DTX4: variants seen among roughly 807,000 people sequenced by gnomAD.
DTX4 encodes the protein deltex E3 ubiquitin ligase 4, also known as E3 ubiquitin-protein ligase DTX4.
A neutral mutation model predicts 57.6 loss-of-function variants in DTX4; 28 were observed. The ratio of observed to expected loss-of-function variants is 0.49; its 90% CI spans 0.36 to 0.67. The LOEUF (loss-of-function observed/expected upper bound fraction) is 0.67. Among genes scored for constraint, DTX4 ranks in the 30% least tolerant of loss-of-function variants. DTX4 has a pLI of 0.00. For synonymous variants in DTX4, 316 were observed against 331.0 expected (o/e 0.95, Z 0.49); for missense variants, 715 against 836.8 (o/e 0.85, Z 1.80).
chr11:59,178,791 A>G lies in DTX4; in HGVS notation c.212-2948A>G, dbSNP rs114325161. ...GAAAATGGCTTGAGACCTGAATGGT[A>G]AGGAGAATTTCAATAGGTAAAAATG... On this transcript the variant is annotated intron_variant, in intron 1 of 8. Coordinates refer to ENST00000227451, the MANE Select transcript of DTX4 (RefSeq NM_015177.2). Among the ~76,000 whole-genome samples, 992 of 152,316 alleles carry G rather than the reference A, an allele frequency of 6.5e-3. 16 individuals carry two copies. Among genetic ancestry groups the G allele is most frequent in the African/African-American group, 0.022 (931 of 41,570 alleles).
chr11:59,180,038 T>G lies in DTX4; in HGVS notation c.212-1701T>G, dbSNP rs146667364. ...TACAAAAATAATCACCAATTTTCAT[T>G]GAGCTCTTGCCATGGTGACAGGTGC... On this transcript the variant is annotated intron_variant, in intron 1 of 8. Transcript: ENST00000227451. Among the ~76,000 whole-genome samples the G allele has an allele frequency of 3.6e-3, 549 of 152,304 alleles. 3 individuals carry two copies. The highest frequency in any genetic ancestry group is 6.4e-3 in the Non-Finnish European group (432 of 68,022).
rs760766256 is a variant in DTX4, at chr11:59,198,232, G to A, written c.1537-1452G>A. ...AGCAACGAGCTGGGAGGGCACAGCCGTGTTGGGTCAGTGCCAGGCAGGCGT... is the reference window on the plus strand; with the variant it reads ...AGCAACGAGCTGGGAGGGCACAGCCATGTTGGGTCAGTGCCAGGCAGGCGT... On this transcript the variant is annotated intron_variant, in intron 7 of 8. Coordinates refer to ENST00000227451, the MANE Select transcript of DTX4 (RefSeq NM_015177.2). Among the ~76,000 whole-genome samples the A allele has an allele frequency of 1.8e-4, 28 of 152,176 alleles. 1 individual carries two copies. Among genetic ancestry groups the A allele is most frequent in the South Asian group, 1.2e-3 (6 of 4,828 alleles).
chr11:59,181,031 AT>A lies in DTX4; in HGVS notation c.212-698del, dbSNP rs139874705. Among the ~76,000 whole-genome samples, 103 of 149,824 alleles carry A rather than the reference AT, an allele frequency of 6.9e-4. 1 individual carries two copies. The highest frequency in any genetic ancestry group is 2.3e-3 in the African/African-American group (94 of 40,852). ...TCCCTTCTTCTCATAGTAACACACC[AT>A]TTTTTTTTTGGACAGCATTTATAAA... is the stretch of plus-strand genomic sequence containing the variant. On this transcript the variant is annotated intron_variant, in intron 1 of 8. Coordinates refer to ENST00000227451, the MANE Select transcript of DTX4 (RefSeq NM_015177.2).
chr11:59,197,027 T>C (rs925665011), intron 7 of DTX4, among the ~76,000 whole-genome samples: 2 of 152,240 alleles, frequency 1.3e-5, no homozygotes, highest in Non-Finnish European at 2.9e-5. Flanking sequence ...ACAGCTGTTT[T>C]AGACAACAGG....
Position 59,192,244 on chromosome 11 carries a change from G to A in DTX4, c.1368G>A (p.Gly456=), listed in dbSNP as rs151058472. Reference sequence around the variant, plus strand: ...GCTTGGTTGCCATGTACAACAATGGGAACAAGGTCAGTGCCAGCCTATGGG... The same window carrying A: ...GCTTGGTTGCCATGTACAACAATGGAAACAAGGTCAGTGCCAGCCTATGGG... ...IYCLVAMYNN[G]NKDGSLQCPT... The change falls in exon 6 of 9, where the codon GGG becomes GGA. Residue 456 remains glycine, a synonymous_variant. Transcript: ENST00000227451. The A allele has an allele frequency of 2.8e-4, 451 of 1,613,990 alleles. No homozygotes were observed. In the African/African-American group the frequency reaches 4.6e-3, roughly 17 times the overall value.
intron 1 of DTX4, among the ~76,000 whole-genome samples, chr11:59,177,873 A>G (rs962592893): frequency 3.9e-5 from 6 of 152,178 alleles, no homozygotes; most frequent in Non-Finnish European, 7.3e-5. Flanking sequence ...TATTGAATCA[A>G]TATTTTGGAG....
chr11:59,197,642 A>G (rs183719538), intron 7 of DTX4, among the ~76,000 whole-genome samples: 4 of 152,332 alleles, frequency 2.6e-5, no homozygotes, highest in Admixed American at 1.3e-4. Flanking sequence ...AAGAAGACCA[A>G]TTAAAAGGCC....
rs73476972 is a variant in DTX4 at position 59,191,626 on chromosome 11, G to A, written c.1221+451G>A. Among the ~76,000 whole-genome samples, 1,263 of 152,320 alleles carry A rather than the reference G, an allele frequency of 8.3e-3. 17 individuals are homozygous for A. Among genetic ancestry groups the A allele is most frequent in the African/African-American group, 0.029 (1,205 of 41,556 alleles). On this transcript the variant is annotated intron_variant, in intron 5 of 8. Transcript: ENST00000227451. ...GTGCTAACCACCCTACAATGCCCAG[G>A]ACAGTCCTCACAGCAAAGAATTGTC...
At chr11:59,181,113 G>A (rs1441193997) in intron 1 of DTX4, among the ~76,000 whole-genome samples, 1 of 152,030 alleles carries the variant, frequency 6.6e-6, no homozygotes. Flanking sequence ...CCGCATGCAG[G>A]CAGAGTCTTC....
At position 59,182,454 on chromosome 11, in the gene DTX4, C is replaced by G; in HGVS notation, c.927C>G (p.Ile309Met). Reference protein sequence around the residue: ...RLAIAQSRVLIASGVPTVPVK... With the variant: ...RLAIAQSRVLMASGVPTVPVK... ...CCATTGCCCAGTCCCGGGTGCTGAT[C>G]GCCTCTGGGTAAGTGCTTCCACAGC... is the stretch of plus-strand genomic sequence containing the variant. Residue 309 changes from isoleucine (I) to methionine (M), a missense_variant, in exon 2 of 9, where the codon ATC (isoleucine) becomes ATG (methionine). Ile to Met is a conservative substitution (Grantham distance 10, BLOSUM62 1). Transcript: ENST00000227451. 1 of 1,604,606 alleles carries G rather than the reference C, an allele frequency of 6.2e-7. No individual in the cohort carries two copies. The highest frequency in any genetic ancestry group is 8.5e-7 in the Non-Finnish European group (1 of 1,174,974).
rs1480555336 is a variant in DTX4, at chr11:59,181,723, T to C, written c.212-16T>C. 6.3e-7 allele frequency: 1 copy of C among 1,580,296 alleles called. No individual in the cohort carries two copies. The highest frequency in any genetic ancestry group is 1.7e-5 in the Admixed American group (1 of 58,116). On this transcript the variant is annotated splice_polypyrimidine_tract_variant and intron_variant, in intron 1 of 8. Transcript: ENST00000227451. ...TGCATGCTGACTCTGACCTCTCCCC[T>C]ATCCCACCCTGGCAGGAACTCTCCG... is the stretch of plus-strand genomic sequence containing the variant.
rs1862844065 is a variant in DTX4, at chr11:59,208,433, A to G, written c.*3524A>G. 1 of 152,260 alleles carries G rather than the reference A, an allele frequency of 6.6e-6. No homozygotes were observed. The highest frequency in any genetic ancestry group is 1.5e-5 in the Non-Finnish European group (1 of 68,052). 9.4% of individuals were successfully genotyped at this position (152,260 alleles called of 1,614,324 possible). ...GAACGTGTGGGAGAAAAACACTTTTAGAATCACGAATATTCACTTTTAAAG... is the reference window on the plus strand; with the variant it reads ...GAACGTGTGGGAGAAAAACACTTTTGGAATCACGAATATTCACTTTTAAAG... On this transcript the variant is annotated 3_prime_UTR_variant, in exon 9 of 9. Transcript: ENST00000227451.
chr11:59,189,991 A>C (rs1007072697), intron 4 of DTX4, among the ~76,000 whole-genome samples: 1 of 152,190 alleles, frequency 6.6e-6, no homozygotes, highest in African/African-American at 2.4e-5. Context: ...CTAAGCCCCA[A>C]TCTTGCAGGC....
intron 8 of DTX4, among the ~76,000 whole-genome samples, chr11:59,200,834 G>T (rs535812516): frequency 1.3e-5 from 2 of 152,274 alleles, no homozygotes; most frequent in African/African-American, 4.8e-5. Context: ...GTATTGGGGG[G>T]AATATTAGAC....
intron 2 of DTX4, among the ~76,000 whole-genome samples, chr11:59,188,430 G>C (rs1159816031): frequency 6.6e-6 from 1 of 152,186 alleles, no homozygotes; most frequent in Non-Finnish European, 1.5e-5. Flanking sequence ...AGTGCACCTG[G>C]CTCCTTGAGA....
At chr11:59,193,501 A>C (rs1019364619) in intron 6 of DTX4, among the ~76,000 whole-genome samples, 1 of 152,152 alleles carries the variant, frequency 6.6e-6, no homozygotes, top group Non-Finnish European at 1.5e-5. Flanking sequence ...AAAAGGATTC[A>C]TTGGGATCTT....
intron 2 of DTX4, among the ~76,000 whole-genome samples, chr11:59,186,229 C>T (rs1201725106): frequency 2.0e-5 from 3 of 152,182 alleles, no homozygotes; most frequent in African/African-American, 7.2e-5. Flanking sequence ...GCCCTTCCCT[C>T]CCTCTCTCCA....
In DTX4 at chr11:59,182,245, C is replaced by G. The variant is rs1862474300; in HGVS notation, c.718C>G (p.Leu240Val). Residue 240 changes from leucine (L) to valine (V), a missense_variant, in exon 2 of 9, where the codon CTG (leucine) becomes GTG (valine). Coordinates refer to ENST00000227451, the MANE Select transcript of DTX4 (RefSeq NM_015177.2). ...ACTGCCAGGCTCTGGGGCCAAGCCA[C>G]TGGACAGCACAGGCACCATTCGAGG... is the stretch of plus-strand genomic sequence containing the variant. ...PPLPGSGAKP[L>V]DSTGTIRGPL... The G allele has an allele frequency of 6.2e-7, 1 of 1,611,456 alleles. No homozygotes were observed. The highest frequency in any genetic ancestry group is 1.1e-5 in the South Asian group (1 of 90,978).
chr11:59,191,141 A>C lies in DTX4; in HGVS notation c.1187A>C (p.Lys396Thr). The change falls in exon 5 of 9, where the codon AAA (lysine) becomes ACA (threonine). Residue 396 changes from lysine to threonine, a missense_variant. Lys to Thr is a moderately conservative substitution (Grantham distance 78, BLOSUM62 -1). Transcript: ENST00000227451. ...KGKTPEEVLK[K>T]YLQKVRHPPD... ...AAAACCCCAGAGGAAGTGCTAAAAA[A>C]ATATCTACAGAAAGTCCGGCACCCA... 1 of 1,574,336 alleles carries C rather than the reference A, an allele frequency of 6.4e-7. No individual in the cohort carries two copies. Among genetic ancestry groups the C allele is most frequent in the South Asian group, 1.2e-5 (1 of 85,210 alleles).
Sources: allele counts gnomAD v4.1 joint callset (sites outside exome capture counted in the v4.1 genomes callset), GRCh38; gene constraint gnomAD v4.1.1; transcripts MANE v1.5; gene names NCBI Gene and HGNC (gene_info 2026-07-23, HGNC 2026-07-21).